Variants in HERC2 observed in about 807,000 individuals in gnomAD.
The protein encoded by HERC2 is E3 ubiquitin-protein ligase HERC2.
Under a neutral mutation model 537.7 loss-of-function variants are expected in HERC2, and 102 were observed. That is an observed-to-expected ratio of 0.19 (90% CI 0.16 to 0.22). The LOEUF (loss-of-function observed/expected upper bound fraction) is 0.22. Ranked by LOEUF, HERC2 falls within the 10% of genes least tolerant of loss-of-function variation. The pLI, the probability that HERC2 is intolerant of heterozygous loss-of-function variation, is 1.00. For missense variants in HERC2, 4,236 were observed against 6,198.2 expected (o/e 0.68, Z 10.63); for synonymous variants, 2,224 against 2,466.2 (o/e 0.90, Z 2.91).
intron 4 of HERC2, among the ~76,000 whole-genome samples, chr15:28,291,122 TA>T (rs1298505257): frequency 6.6e-6 from 1 of 152,214 alleles, no homozygotes; most frequent in African/African-American, 2.4e-5. Context: ...TAACAGGTAG[TA>T]CATGCTGGTA....
chr15:28,210,541 A>T (rs551555649), intron 44 of HERC2, among the ~76,000 whole-genome samples: 1,570 of 152,026 alleles, frequency 0.01, 15 homozygotes, highest in Middle Eastern at 0.02. Flanking sequence ...CATGTCAAAG[A>T]CCAACTCATT....
At chr15:28,115,591 A>G in intron 88 of HERC2, 50 bp from the exon 89 acceptor site, 1 of 1,388,406 alleles carries the variant, frequency 7.2e-7, no homozygotes, top group Non-Finnish European at 1.0e-6. Flanking sequence ...AGGATGACAA[A>G]ACTTCCCGCT....
At position 28,317,381 on chromosome 15, in the gene HERC2, G is replaced by A. The variant is rs140970441; in HGVS notation, c.72+3981C>T. ...TGTGATTACAGGCGTGAGCCACCGCGCCCAGCCGAAGTGACAATATTTATA... is the reference window on the plus strand; with the variant it reads ...TGTGATTACAGGCGTGAGCCACCGCACCCAGCCGAAGTGACAATATTTATA... On this transcript the variant is annotated intron_variant, in intron 2 of 92. Coordinates refer to ENST00000261609, the MANE Select transcript of HERC2 (RefSeq NM_004667.6). Among the ~76,000 whole-genome samples the A allele has an allele frequency of 5.2e-3, 794 of 152,268 alleles. 1 individual carries two copies. The highest frequency in any genetic ancestry group is 0.018 in the African/African-American group (750 of 41,540).
At position 28,182,524 on chromosome 15, in the gene HERC2, G is replaced by GA. The variant is rs113328328; in HGVS notation, c.8826-13dup. ...TCTTTCTAATGAGGCTAACCAAACG[G>GA]AAAAAAAAAAGAAAAAGAAAAGAGA... On this transcript the variant is annotated splice_polypyrimidine_tract_variant and intron_variant, in intron 56 of 92. Transcript: ENST00000261609. 7.6e-3 allele frequency: 10,209 copies of GA among 1,334,688 alleles called. No individual in the cohort carries two copies. The highest frequency in any genetic ancestry group is 0.014 in the East Asian group (511 of 37,394). 82.7% of individuals were successfully genotyped at this position (1,334,688 alleles called of 1,614,324 possible).
chr15:28,207,237 C>T (rs1255205819), intron 44 of HERC2, among the ~76,000 whole-genome samples: 3 of 151,954 alleles, frequency 2.0e-5, no homozygotes, highest in African/African-American at 4.8e-5. Context: ...CTGGCTCAAG[C>T]GATTCTCCTG....
chr15:28,206,789 T>C lies in HERC2; in HGVS notation c.7070-407A>G, dbSNP rs1292838415. Among the ~76,000 whole-genome samples, 321 of 133,402 alleles carry C rather than the reference T, an allele frequency of 2.4e-3. 2 individuals carry two copies. Among genetic ancestry groups the C allele is most frequent in the African/African-American group, 7.1e-3 (245 of 34,416 alleles). 87.5% of individuals were successfully genotyped at this position (133,402 alleles called of 152,430 possible). ...CGGAGCTTGCAGTGAGCTGAGATTG[T>C]GCCACTGCACTCCAGCCTGGGCGAC... On this transcript the variant is annotated intron_variant, in intron 44 of 92. Transcript: ENST00000261609.
intron 23 of HERC2, among the ~76,000 whole-genome samples, chr15:28,241,419 C>T (rs903596472): frequency 2.6e-5 from 4 of 151,814 alleles, no homozygotes; most frequent in Admixed American, 6.6e-5. Context: ...CTGACAGGAA[C>T]ATAAAATGGT....
chr15:28,142,474 G>C, intron 75 of HERC2, 81 bp from the exon 76 acceptor site: 1 of 1,396,044 alleles, frequency 7.2e-7, no homozygotes, highest in Non-Finnish European at 9.8e-7. Context: ...TCCTTCCGCA[G>C]GACCTCCTAT....
chr15:28,155,442 T>C (rs1367541928), intron 69 of HERC2, among the ~76,000 whole-genome samples: 2 of 152,192 alleles, frequency 1.3e-5, no homozygotes, highest in Non-Finnish European at 2.9e-5. Context: ...TTCCTGACTT[T>C]TTAACGATCG....
intron 42 of HERC2, 131 bp downstream of exon 42, chr15:28,213,611 C>T (rs1292482874): frequency 7.9e-6 from 12 of 1,512,794 alleles, no homozygotes; most frequent in Non-Finnish European, 1.1e-5. Flanking sequence ...GAAGCACAAG[C>T]TCACACAGCT....
At chr15:28,115,380 G>C in intron 89 of HERC2, 49 bp downstream of exon 89, 1 of 1,262,922 alleles carries the variant, frequency 7.9e-7, no homozygotes, top group Non-Finnish European at 1.1e-6. Flanking sequence ...AACAGACTGT[G>C]CCTGTTAACA....
At chr15:28,162,083 A>G (rs1416055052) in intron 69 of HERC2, among the ~76,000 whole-genome samples, 4 of 152,236 alleles carry the variant, frequency 2.6e-5, no homozygotes, top group African/African-American at 9.6e-5. Flanking sequence ...AATCCCAAGC[A>G]CTTTGGGAGG....
At chr15:28,261,949 C>A (rs1020178556) in intron 15 of HERC2, among the ~76,000 whole-genome samples, 3 of 151,998 alleles carry the variant, frequency 2.0e-5, no homozygotes, top group Non-Finnish European at 4.4e-5. Context: ...GAACTACAGC[C>A]CCCACACACA....
rs1463744347 is a variant in HERC2, at chr15:28,122,919, T to C, written c.13188+1118A>G. 6.6e-6 allele frequency among the ~76,000 whole-genome samples: 1 copy of C among 151,956 alleles called. No individual in the cohort carries two copies. The highest frequency in any genetic ancestry group is 2.4e-5 in the African/African-American group (1 of 41,268). ...GGTGGGACGTGCCCTGCCTCTCACT[T>C]TTTTTCTCCCTACAAAGAAAGGTTT... On this transcript the variant is annotated intron_variant, in intron 85 of 92. Coordinates refer to ENST00000261609, the MANE Select transcript of HERC2 (RefSeq NM_004667.6). This position sits in a 1 kb window ranked among gnomAD's most constrained non-coding sequence, Gnocchi z 4.1.
At chr15:28,280,384 G>A (rs1469542739) in intron 4 of HERC2, 97 bp from the exon 5 acceptor site, 8 of 978,154 alleles carry the variant, frequency 8.2e-6, no homozygotes, top group South Asian at 3.2e-5. Context: ...GGTAGTACTC[G>A]AAGGCATGAT....
intron 2 of HERC2, among the ~76,000 whole-genome samples, chr15:28,319,471 G>A (rs1345055829): frequency 1.3e-5 from 2 of 150,934 alleles, no homozygotes; most frequent in Non-Finnish European, 2.9e-5. Context: ...TGTAATCCCA[G>A]CTACTCGGAA....
intron 65 of HERC2, among the ~76,000 whole-genome samples, chr15:28,170,477 C>T (rs1316652106): frequency 6.6e-6 from 1 of 152,202 alleles, no homozygotes; most frequent in East Asian, 1.9e-4. Flanking sequence ...AAAACCCAAA[C>T]TTCAGCCTAA....
At chr15:28,117,284 G>T in intron 86 of HERC2, 130 bp from the exon 87 acceptor site, 1 of 942,138 alleles carries the variant, frequency 1.1e-6, no homozygotes, top group Non-Finnish European at 1.7e-6. Context: ...TCACACACCT[G>T]CTTGTGTGGA....
chr15:28,142,471 G>A (rs1349829558), intron 75 of HERC2, 78 bp from the exon 76 acceptor site: 21 of 1,408,934 alleles, frequency 1.5e-5, no homozygotes, highest in African/African-American at 2.9e-5. Flanking sequence ...GGCTCCTTCC[G>A]CAGGACCTCC....
Sources: allele counts gnomAD v4.1 joint callset (sites outside exome capture counted in the v4.1 genomes callset), GRCh38; gene constraint gnomAD v4.1.1; non-coding constraint Gnocchi (gnomAD v3.1); transcripts MANE v1.5; gene names NCBI Gene and HGNC (gene_info 2026-07-23, HGNC 2026-07-21).